Variants in RALYL observed in about 807,000 individuals in gnomAD.
RALYL encodes RALY RNA binding protein like.
A neutral mutation model predicts 35.1 loss-of-function variants in RALYL; 29 were observed. That is an observed-to-expected ratio of 0.83 (90% CI 0.61 to 1.13). RALYL has a LOEUF of 1.13. Among genes scored for constraint, RALYL ranks in the 50% most tolerant of loss-of-function variants. The probability of loss-of-function intolerance (pLI) is 0.00; values close to 1 mark genes in which losing one functional copy is unlikely to be tolerated. For missense variants in RALYL, 359 were observed against 360.4 expected (o/e 1.00, Z 0.03); for synonymous variants, 120 against 127.6 (o/e 0.94, Z 0.40).
At chr8:84,425,688 T>A (rs902905721) in intron 1 of RALYL, among the ~76,000 whole-genome samples, 1 of 152,212 alleles carries the variant, frequency 6.6e-6, no homozygotes, top group Non-Finnish European at 1.5e-5. Context: ...CTGATGCTAT[T>A]GGAAGATTGT....
intron 4 of RALYL, among the ~76,000 whole-genome samples, chr8:84,836,723 G>A (rs1832100505): frequency 6.6e-6 from 1 of 152,170 alleles, no homozygotes; most frequent in South Asian, 2.1e-4. Context: ...ATTTTATGAT[G>A]AATTAGAAGA....
chr8:84,887,468 C>A, intron 7 of RALYL, 136 bp from the exon 8 acceptor site: 1 of 595,516 alleles, frequency 1.7e-6, no homozygotes, highest in Non-Finnish European at 2.7e-6. Context: ...CAACTTAAAG[C>A]ATAATATTAC....
intron 3 of RALYL, among the ~76,000 whole-genome samples, chr8:84,795,329 C>T (rs1483960745): frequency 1.3e-5 from 2 of 152,134 alleles, no homozygotes; most frequent in African/African-American, 4.8e-5. Context: ...TGAGTTATCA[C>T]CCTGCTCTAT....
At chr8:84,517,775 T>C (rs1320137371) in intron 1 of RALYL, among the ~76,000 whole-genome samples, 3 of 152,204 alleles carry the variant, frequency 2.0e-5, no homozygotes, top group Non-Finnish European at 4.4e-5. Flanking sequence ...CCATGTATTC[T>C]GAATAATAAC....
At chr8:84,544,479 C>G (rs942636725) in intron 2 of RALYL, among the ~76,000 whole-genome samples, 2 of 151,906 alleles carry the variant, frequency 1.3e-5, no homozygotes, top group African/African-American at 4.8e-5. Context: ...GAGATACTCT[C>G]TTTTTATCAT....
At chr8:84,246,846 C>T (rs1427224771) in intron 1 of RALYL, among the ~76,000 whole-genome samples, 2 of 151,740 alleles carry the variant, frequency 1.3e-5, no homozygotes, top group Non-Finnish European at 2.9e-5. Context: ...TGACCAATCT[C>T]CAAGCAAAAA....
chr8:84,325,794 T>C (rs1275737216), intron 1 of RALYL, among the ~76,000 whole-genome samples: 1 of 152,212 alleles, frequency 6.6e-6, no homozygotes, highest in Non-Finnish European at 1.5e-5. Context: ...TCTGTGTCTC[T>C]TGTGGAAAAT....
At chr8:84,382,252 G>A (rs1198764317) in intron 1 of RALYL, among the ~76,000 whole-genome samples, 3 of 149,020 alleles carry the variant, frequency 2.0e-5, no homozygotes, top group African/African-American at 7.4e-5. Context: ...AAAAACTGCA[G>A]TGAGGTTCTT....
At chr8:84,483,802 CAT>C (rs2054304170) in intron 1 of RALYL, among the ~76,000 whole-genome samples, 1 of 152,124 alleles carries the variant, frequency 6.6e-6, no homozygotes, top group Admixed American at 6.6e-5. Flanking sequence ...GCCATTTTTA[CAT>C]GCAGTGACAT....
At chr8:84,371,572 C>CACACACACACACAG (rs60104734) in intron 1 of RALYL, among the ~76,000 whole-genome samples, 1 of 147,366 alleles carries the variant, frequency 6.8e-6, no homozygotes, top group African/African-American at 2.5e-5. Context: ...CACACACACA[C>CACACACACACACAG]AGAAAGAGAG....
intron 2 of RALYL, among the ~76,000 whole-genome samples, chr8:84,536,780 AT>A (rs1453415995): frequency 6.6e-6 from 1 of 152,206 alleles, no homozygotes; most frequent in Non-Finnish European, 1.5e-5. Context: ...TGTTATCATA[AT>A]TTCTTAACTT....
chr8:84,450,335 G>A (rs2133171288), intron 1 of RALYL, among the ~76,000 whole-genome samples: 1 of 151,942 alleles, frequency 6.6e-6, no homozygotes, highest in East Asian at 2.0e-4. Context: ...TTAAACTACT[G>A]GGAGTAATAA....
chr8:84,725,300 G>C (rs1428346692), intron 2 of RALYL, among the ~76,000 whole-genome samples: 1 of 151,676 alleles, frequency 6.6e-6, no homozygotes, highest in African/African-American at 2.4e-5. Context: ...ACCAAGAATG[G>C]ATATAGGCCA....
chr8:84,380,419 A>G (rs1286472570), intron 1 of RALYL, among the ~76,000 whole-genome samples: 1 of 151,854 alleles, frequency 6.6e-6, no homozygotes, highest in East Asian at 1.9e-4. Flanking sequence ...CCCCTGGTAG[A>G]CCTTCATTGG....
At chr8:84,267,009 A>G (rs1170231929) in intron 1 of RALYL, among the ~76,000 whole-genome samples, 2 of 151,678 alleles carry the variant, frequency 1.3e-5, no homozygotes, top group Non-Finnish European at 2.9e-5. Flanking sequence ...AGGGATACCT[A>G]TCTCCCTGAT....
intron 1 of RALYL, among the ~76,000 whole-genome samples, chr8:84,387,262 T>C (rs1859435823): frequency 6.6e-6 from 1 of 151,880 alleles, no homozygotes; most frequent in Non-Finnish European, 1.5e-5. Flanking sequence ...GTAATCCGTA[T>C]GTAATGATTA....
chr8:84,404,321 C>G (rs2043235258), intron 1 of RALYL, among the ~76,000 whole-genome samples: 1 of 152,074 alleles, frequency 6.6e-6, no homozygotes, highest in Admixed American at 6.6e-5. Flanking sequence ...TCATAAATAG[C>G]TCTTATTATT....
At chr8:84,895,937 G>T (rs1387192459) in intron 8 of RALYL, among the ~76,000 whole-genome samples, 2 of 152,092 alleles carry the variant, frequency 1.3e-5, no homozygotes, top group African/African-American at 2.4e-5. Flanking sequence ...AAGTCTACTG[G>T]CTTTATATCA....
In RALYL at chr8:84,789,246, A is replaced by G. The variant is rs1401452672; in HGVS notation, c.332+14592A>G. Among the ~76,000 whole-genome samples, 4 of 152,236 alleles carry G rather than the reference A, an allele frequency of 2.6e-5. No homozygotes were observed. The East Asian group carries it at 7.7e-4, about 29-fold the overall frequency. On this transcript the variant is annotated intron_variant, in intron 3 of 8. Transcript: ENST00000521268. ...TTAAGAATGTGATACACCAACCAAT[A>G]GCTGAGTTTGAAAAGGAAACAGAAG...
Sources: allele counts gnomAD v4.1 joint callset (sites outside exome capture counted in the v4.1 genomes callset), GRCh38; gene constraint gnomAD v4.1.1; transcripts MANE v1.5; gene names NCBI Gene and HGNC (gene_info 2026-07-23, HGNC 2026-07-21).